ENTREP1: variants seen among roughly 807,000 people sequenced by gnomAD.
ENTREP1 encodes Friedreich ataxia region gene X123.
chr9:69,357,159 A>G, the ENTREP1 span, among the ~76,000 whole-genome samples: 1 of 152,190 alleles, frequency 6.6e-6, no homozygotes, highest in Admixed American at 6.5e-5. Context: ...CAATGTGCTA[A>G]AAGGAGGGAC....
At chr9:69,376,175 C>T in the ENTREP1 span, among the ~76,000 whole-genome samples, 3 of 152,242 alleles carry the variant, frequency 2.0e-5, no homozygotes, top group East Asian at 1.9e-4. Context: ...CATATGCATA[C>T]GTACATATGT....
At chr9:69,334,351 A>G in the ENTREP1 span, among the ~76,000 whole-genome samples, 10 of 152,214 alleles carry the variant, frequency 6.6e-5, no homozygotes, top group African/African-American at 2.4e-4. Flanking sequence ...ATCTGCCTGT[A>G]TATGGTTTTT....
the ENTREP1 span, among the ~76,000 whole-genome samples, chr9:69,335,482 T>C: frequency 2.0e-5 from 3 of 152,114 alleles, no homozygotes; most frequent in South Asian, 6.2e-4. Context: ...AGCCCAGGGA[T>C]GTCAGGAGCC....
At chr9:69,386,064 G>A in the ENTREP1 span, 1 of 916,984 alleles carries the variant, frequency 1.1e-6, no homozygotes, top group Non-Finnish European at 1.5e-6. Context: ...GTCATTTGAA[G>A]GAGCTTATGA....
At chr9:69,362,694 A>G in the ENTREP1 span, among the ~76,000 whole-genome samples, 4 of 152,180 alleles carry the variant, frequency 2.6e-5, no homozygotes, top group Admixed American at 2.0e-4. Context: ...AAAGGAGATT[A>G]ACATTTGAGT....
the ENTREP1 span, among the ~76,000 whole-genome samples, chr9:69,345,439 C>G: frequency 6.6e-6 from 1 of 152,244 alleles, no homozygotes; most frequent in South Asian, 2.1e-4. Flanking sequence ...GACTGTTTCT[C>G]TTTTATTTCA....
At chr9:69,342,546 C>T in the ENTREP1 span, among the ~76,000 whole-genome samples, 1 of 152,110 alleles carries the variant, frequency 6.6e-6, no homozygotes, top group African/African-American at 2.4e-5. Context: ...CTCAAAAGAG[C>T]CAGAGGCAGA....
chr9:69,357,945 T>G, the ENTREP1 span, among the ~76,000 whole-genome samples: 1 of 152,152 alleles, frequency 6.6e-6, no homozygotes, highest in Non-Finnish European at 1.5e-5. Flanking sequence ...ATGTTAAGAG[T>G]TAAATAAGTG....
At chr9:69,367,722 T>TAC in the ENTREP1 span, among the ~76,000 whole-genome samples, 1 of 69,122 alleles carries the variant, frequency 1.4e-5, no homozygotes, top group South Asian at 6.6e-4. Flanking sequence ...TATACACATA[T>TAC]ATATAAAAAT....
At chr9:69,371,407 TGGAAG>T in the ENTREP1 span, 3 of 921,818 alleles carry the variant, frequency 3.3e-6, no homozygotes, top group Middle Eastern at 2.1e-4. Context: ...AATGTTCTCT[TGGAAG>T]GGAATATGAG....
chr9:69,328,059 T>C, the ENTREP1 span, among the ~76,000 whole-genome samples: 1 of 152,218 alleles, frequency 6.6e-6, no homozygotes, highest in African/African-American at 2.4e-5. Context: ...CCTCGTGTTA[T>C]GGAAAAGTTT....
At chr9:69,348,373 G>T in the ENTREP1 span, among the ~76,000 whole-genome samples, 1 of 152,226 alleles carries the variant, frequency 6.6e-6, no homozygotes, top group African/African-American at 2.4e-5. Flanking sequence ...GCCCAACTTG[G>T]CCTCCAAGAG....
At chr9:69,386,103 C>G in the ENTREP1 span, 12 of 547,952 alleles carry the variant, frequency 2.2e-5, no homozygotes, top group African/African-American at 2.3e-4. Context: ...TATTCTACGT[C>G]CATGTTAGGA....
chr9:69,349,808 A>T, the ENTREP1 span, among the ~76,000 whole-genome samples: 1 of 152,232 alleles, frequency 6.6e-6, no homozygotes, highest in African/African-American at 2.4e-5. Flanking sequence ...AAGTCATCTA[A>T]CACAAAGCCT....
the ENTREP1 span, among the ~76,000 whole-genome samples, chr9:69,346,882 G>A: frequency 6.6e-6 from 1 of 152,340 alleles, no homozygotes; most frequent in South Asian, 2.1e-4. Context: ...ATGTTTTGGA[G>A]AAAGTTACTG....
At chr9:69,356,087 T>A in the ENTREP1 span, among the ~76,000 whole-genome samples, 14,581 of 152,308 alleles carry the variant, frequency 0.096, 736 homozygotes, top group Non-Finnish European at 0.1. Context: ...CAGAACTTTT[T>A]CATCATCCCA....
the ENTREP1 span, among the ~76,000 whole-genome samples, chr9:69,370,495 G>A: frequency 6.6e-6 from 1 of 152,130 alleles, no homozygotes; most frequent in Non-Finnish European, 1.5e-5. Flanking sequence ...GCTTCCATTA[G>A]TATTTTCCCC....
chr9:69,341,887 C>G, the ENTREP1 span, among the ~76,000 whole-genome samples: 1 of 151,956 alleles, frequency 6.6e-6, no homozygotes, highest in Non-Finnish European at 1.5e-5. Context: ...GTCAGGTGAC[C>G]TTGGGGAAAT....
At chr9:69,384,694 G>A in the ENTREP1 span, among the ~76,000 whole-genome samples, 2 of 152,144 alleles carry the variant, frequency 1.3e-5, no homozygotes, top group Non-Finnish European at 2.9e-5. Context: ...TCTTTGGGGA[G>A]GTTTTAAGTG....
Sources: gnomAD v4.1 joint callset for allele counts (sites outside exome capture counted in the v4.1 genomes callset) on GRCh38, gnomAD v4.1.1 for gene constraint, MANE v1.5 for transcripts, NCBI Gene and HGNC (gene_info 2026-07-23, HGNC 2026-07-21) for gene names.